Variants in KCNN3 observed in about 807,000 individuals in gnomAD.
KCNN3 encodes small conductance calcium-activated potassium channel protein 3.
A neutral mutation model predicts 62.9 loss-of-function variants in KCNN3; 16 were observed. The observed-to-expected ratio is 0.25, with a 90% CI of 0.17 to 0.39. The LOEUF is 0.39. Among genes scored for constraint, KCNN3 ranks in the 10% least tolerant of loss-of-function variants. The probability of loss-of-function intolerance (pLI) is 1.00; values close to 1 mark genes in which losing one functional copy is unlikely to be tolerated. For missense variants in KCNN3, 599 were observed against 949.4 expected, an observed-to-expected ratio of 0.63 and a Z score of 4.85; for synonymous variants, 370 against 389.2, an observed-to-expected ratio of 0.95 and a Z score of 0.58.
At chr1:154,863,806 A>G (rs942706234) in intron 1 of KCNN3, among the ~76,000 whole-genome samples, 1 of 152,178 alleles carries the variant, frequency 6.6e-6, no homozygotes, top group Non-Finnish European at 1.5e-5. Flanking sequence ...CTGGCGGAGC[A>G]CCTGGGTAAT....
intron 3 of KCNN3, among the ~76,000 whole-genome samples, chr1:154,768,965 G>C (rs1165106414): frequency 2.6e-5 from 4 of 152,192 alleles, no homozygotes; most frequent in Admixed American, 6.5e-5. Flanking sequence ...GCAGGATTCA[G>C]CCTGGGTTGG....
intron 2 of KCNN3, among the ~76,000 whole-genome samples, chr1:154,798,761 G>C (rs1271981319): frequency 6.6e-6 from 1 of 152,204 alleles, no homozygotes; most frequent in Non-Finnish European, 1.5e-5. Flanking sequence ...TACAGAGTGT[G>C]TGAAGTTACA....
In KCNN3 at chr1:154,733,054, C is replaced by A. The variant is rs890496198; in HGVS notation, c.1539G>T (p.Met513Ile). ...CTTTCCCACAGTATGTGTGGGGCAC[C>A]ATGTCCCCATAACCAATGGAAAGGA... Reference protein sequence around the residue: ...ITFLSIGYGDMVPHTYCGKGV... With the variant: ...ITFLSIGYGDIVPHTYCGKGV... The change falls in exon 4 of 8, where the codon ATG becomes ATT. Residue 513 changes from methionine (M) to isoleucine (I), a missense_variant. Met to Ile is a conservative substitution (Grantham distance 10). Transcript: ENST00000271915. 8.7e-6 allele frequency: 14 copies of A among 1,613,840 alleles called. No homozygotes were observed. Among genetic ancestry groups the A allele is most frequent in the African/African-American group, 1.3e-5 (1 of 74,904 alleles).
chr1:154,791,833 G>A (rs1649532373), intron 2 of KCNN3, among the ~76,000 whole-genome samples: 1 of 152,164 alleles, frequency 6.6e-6, no homozygotes, highest in South Asian at 2.1e-4. Context: ...GTATGAATTT[G>A]GAAGGAAAAA....
intron 3 of KCNN3, among the ~76,000 whole-genome samples, chr1:154,759,436 G>T (rs1286652512): frequency 3.3e-5 from 5 of 152,196 alleles, no homozygotes; most frequent in Admixed American, 3.3e-4. Flanking sequence ...CTTGACTAAT[G>T]TCAGCCCACA....
At chr1:154,845,000 C>T (rs954620614) in intron 1 of KCNN3, among the ~76,000 whole-genome samples, 8 of 64,536 alleles carry the variant, frequency 1.2e-4, no homozygotes, top group Non-Finnish European at 2.3e-4. Context: ...AGCCAGACCC[C>T]GTCTCAAAAA....
intron 2 of KCNN3, among the ~76,000 whole-genome samples, chr1:154,812,470 C>T (rs1233430626): frequency 6.6e-6 from 1 of 151,516 alleles, no homozygotes; most frequent in Non-Finnish European, 1.5e-5. Flanking sequence ...CATGTGTTCT[C>T]ATTGTTCAAT....
chr1:154,791,388 C>A (rs1557978198), intron 2 of KCNN3, among the ~76,000 whole-genome samples: 2 of 151,356 alleles, frequency 1.3e-5, no homozygotes, highest in Non-Finnish European at 2.9e-5. Context: ...GGGAGGAGCT[C>A]AACAGATGTC....
intron 7 of KCNN3, 81 bp from the exon 8 acceptor site, chr1:154,708,353 C>T (rs1700004894): frequency 7.8e-6 from 11 of 1,416,330 alleles, no homozygotes; most frequent in Admixed American, 3.3e-5. Context: ...ATGAAACGCC[C>T]TCCACAGTAT....
intron 2 of KCNN3, among the ~76,000 whole-genome samples, chr1:154,808,357 C>T (rs996388743): frequency 1.3e-5 from 2 of 152,014 alleles, no homozygotes; most frequent in African/African-American, 4.8e-5. Context: ...GCTGCTGGAG[C>T]TGGTCCCTTC....
intron 1 of KCNN3, among the ~76,000 whole-genome samples, chr1:154,850,855 C>G (rs1652271909): frequency 6.6e-6 from 1 of 152,218 alleles, no homozygotes; most frequent in Non-Finnish European, 1.5e-5. Flanking sequence ...CAGCCCAGAG[C>G]AGGGAGATTT....
chr1:154,723,776 G>A (rs896812102), intron 5 of KCNN3, among the ~76,000 whole-genome samples: 23 of 152,148 alleles, frequency 1.5e-4, no homozygotes, highest in African/African-American at 5.3e-4. Context: ...CCCTCACTCC[G>A]GCACGTAGTT....
intron 2 of KCNN3, among the ~76,000 whole-genome samples, chr1:154,793,579 T>A (rs1440321519): frequency 6.6e-6 from 1 of 152,234 alleles, no homozygotes; most frequent in African/African-American, 2.4e-5. Context: ...TCATTAATTA[T>A]ACTTTCAATT....
intron 1 of KCNN3, among the ~76,000 whole-genome samples, chr1:154,835,434 C>T (rs538898847): frequency 7.2e-5 from 11 of 152,306 alleles, no homozygotes; most frequent in Non-Finnish European, 1.3e-4. Context: ...TGCCAGCTTC[C>T]ACACCCACTA....
intron 2 of KCNN3, among the ~76,000 whole-genome samples, chr1:154,790,097 G>A (rs949440574): frequency 9.2e-5 from 14 of 152,258 alleles, no homozygotes; most frequent in Middle Eastern, 3.4e-3. Context: ...TTTTAGTAGA[G>A]AAATGAGGAT....
Position 154,824,932 on chromosome 1 carries a change from G to A in KCNN3, c.934-2748C>T, listed in dbSNP as rs188113699. ...ACCAAGCTGTGTGCTGGATCAACAG[G>A]GACTCTCGATATCTTACAGATTTCT... On this transcript the variant is annotated intron_variant, in intron 1 of 7. Transcript: ENST00000271915. 4.6e-5 allele frequency among the ~76,000 whole-genome samples: 7 copies of A among 152,134 alleles called. No individual in the cohort carries two copies. In the East Asian group the frequency reaches 9.6e-4, roughly 21 times the overall value.
rs1652693091 is a variant in KCNN3 at position 154,859,853 on chromosome 1, C to A, written c.933+9179G>T. 5.1e-6 allele frequency: 8 copies of A among 1,581,424 alleles called. No homozygotes were observed. The South Asian group carries it at 5.7e-5, about 11-fold the overall frequency. ...TAAGCTGACTTTCCTGTTAATTTGA[C>A]ACTGAGCAGCACTCCTGTCCTTTAA... On this transcript the variant is annotated intron_variant, in intron 1 of 7. Transcript: ENST00000271915.
At chr1:154,751,652 G>A (rs868323350) in intron 3 of KCNN3, among the ~76,000 whole-genome samples, 52 of 152,076 alleles carry the variant, frequency 3.4e-4, no homozygotes, top group African/African-American at 1.2e-3. Flanking sequence ...GAGTCACCAT[G>A]GAAGCCAACC....
Position 154,801,865 on chromosome 1 carries a change from C to T in KCNN3, c.1029+20224G>A, listed in dbSNP as rs531104132. On this transcript the variant is annotated intron_variant, in intron 2 of 7. Transcript: ENST00000271915. ...CTGTTTGCTGATGTCAGCACCAAGTCGGGGCGCGCCAGGAACGCTCTCAGC... is the reference window on the plus strand; with the variant it reads ...CTGTTTGCTGATGTCAGCACCAAGTTGGGGCGCGCCAGGAACGCTCTCAGC... Among the ~76,000 whole-genome samples the T allele has an allele frequency of 8.5e-5, 13 of 152,260 alleles. No individual in the cohort carries two copies. In the East Asian group the frequency reaches 2.1e-3, roughly 25 times the overall value.
Sources: allele counts gnomAD v4.1 joint callset (sites outside exome capture counted in the v4.1 genomes callset), GRCh38; gene constraint gnomAD v4.1.1; transcripts MANE v1.5; gene names NCBI Gene and HGNC (gene_info 2026-07-23, HGNC 2026-07-21).